Variants in CELF5 observed in about 807,000 individuals in gnomAD.
CELF5 encodes CUGBP Elav-like family member 5.
In CELF5, 6 loss-of-function variants were observed where a neutral mutation model predicts 54.9. The ratio of observed to expected loss-of-function variants is 0.11; its 90% CI spans 0.06 to 0.22. CELF5 has a LOEUF of 0.22. CELF5 is among the 10% of genes least tolerant of loss of function. CELF5 has a pLI of 1.00. For synonymous variants in CELF5, 271 were observed against 290.9 expected, an observed-to-expected ratio of 0.93 and a Z score of 0.70; for missense variants, 401 against 678.6, an observed-to-expected ratio of 0.59 and a Z score of 4.54.
chr19:3,237,084 G>A (rs1447258983), intron 1 of CELF5, among the ~76,000 whole-genome samples: 1 of 151,128 alleles, frequency 6.6e-6, no homozygotes, highest in South Asian at 2.1e-4. Context: ...AGGCCGAGAC[G>A]GGTGGATCAC....
intron 1 of CELF5, among the ~76,000 whole-genome samples, chr19:3,226,231 C>T (rs922582374): frequency 6.6e-6 from 1 of 151,346 alleles, no homozygotes; most frequent in Non-Finnish European, 1.5e-5. Flanking sequence ...GCTGCGTGCC[C>T]GGTAAGCATG....
In CELF5 at chr19:3,282,134, A is replaced by G; in HGVS notation, c.759A>G (p.Gln253=). Residue 253 remains glutamine, a synonymous_variant, in exon 7 of 13, where the codon CAA becomes CAG. Coordinates refer to ENST00000292672, the MANE Select transcript of CELF5 (RefSeq NM_021938.4). The surrounding 1 kb of genome is among the most constrained non-coding windows in gnomAD (Gnocchi z 5.2). Reference sequence around the variant, plus strand: ...CATGTCTTCACCCCCAGCTCATGCAACAGCAGACAACAGTCCTGTCCACCT... The same window carrying G: ...CATGTCTTCACCCCCAGCTCATGCAGCAGCAGACAACAGTCCTGTCCACCT... The part of the protein sequence containing the change: ...PYSAYAQALM[Q]QQTTVLSTSG... The G allele has an allele frequency of 6.2e-7, 1 of 1,614,190 alleles. No homozygotes were observed. The highest frequency in any genetic ancestry group is 8.5e-7 in the Non-Finnish European group (1 of 1,180,030).
intron 1 of CELF5, among the ~76,000 whole-genome samples, chr19:3,247,102 C>T (rs2079577661): frequency 6.6e-6 from 1 of 152,116 alleles, no homozygotes; most frequent in Admixed American, 6.6e-5. Flanking sequence ...GACACTAGGA[C>T]TTCTGGTGGC....
intron 11 of CELF5, among the ~76,000 whole-genome samples, chr19:3,291,073 C>A (rs2080339092): frequency 6.6e-6 from 1 of 151,248 alleles, no homozygotes; most frequent in Non-Finnish European, 1.5e-5. Context: ...CCAGCCTGGG[C>A]AACATAGCAA....
chr19:3,260,515 C>G (rs914106904), intron 2 of CELF5, among the ~76,000 whole-genome samples: 2 of 151,798 alleles, frequency 1.3e-5, no homozygotes, highest in African/African-American at 4.8e-5. Context: ...AGTGCAGTGG[C>G]AAGATCATGG....
intron 12 of CELF5, chr19:3,295,576 C>G (rs983633948): frequency 6.7e-6 from 1 of 149,810 alleles, no homozygotes; most frequent in Admixed American, 6.7e-5. Flanking sequence ...GCACATCCCA[C>G]CAGGAACCCG....
At chr19:3,290,617 G>C (rs1161986115) in intron 11 of CELF5, among the ~76,000 whole-genome samples, 1 of 149,056 alleles carries the variant, frequency 6.7e-6, no homozygotes, top group Non-Finnish European at 1.5e-5. Flanking sequence ...AGGCTGGAGT[G>C]CAGTGGTGCA....
chr19:3,295,249 C>G (rs899442013), intron 12 of CELF5: 3 of 144,652 alleles, frequency 2.1e-5, no homozygotes, highest in African/African-American at 7.6e-5. Context: ...GCTCCTGAAT[C>G]GTGGGCAGAA....
chr19:3,248,353 T>C (rs1259419273), intron 1 of CELF5, among the ~76,000 whole-genome samples: 3 of 152,042 alleles, frequency 2.0e-5, no homozygotes, highest in African/African-American at 7.2e-5. Flanking sequence ...AAACTGAAAC[T>C]GTATCCCTGT....
Position 3,228,375 on chromosome 19 carries a change from G to A in CELF5, c.259+3377G>A, listed in dbSNP as rs1231889312. ...GAGGCTGGGATTGGGGCTCCCGCTG[G>A]CCCCCCTGCAGTTCCTGCCCCGGGG... On this transcript the variant is annotated intron_variant, in intron 1 of 12. Coordinates refer to ENST00000292672, the MANE Select transcript of CELF5 (RefSeq NM_021938.4). This position sits in a 1 kb window ranked among gnomAD's most constrained non-coding sequence, Gnocchi z 6.0. Among the ~76,000 whole-genome samples the A allele has an allele frequency of 1.3e-5, 2 of 152,138 alleles. No individual in the cohort carries two copies. Among genetic ancestry groups the A allele is most frequent in the Non-Finnish European group, 2.9e-5 (2 of 68,006 alleles).
chr19:3,284,386 C>T (rs1013913769), intron 8 of CELF5, among the ~76,000 whole-genome samples: 1 of 152,190 alleles, frequency 6.6e-6, no homozygotes, highest in African/African-American at 2.4e-5. Context: ...CTGAATTTTT[C>T]CCCAGAATCA....
chr19:3,251,523 T>G (rs1451229135), intron 2 of CELF5, among the ~76,000 whole-genome samples: 2 of 152,112 alleles, frequency 1.3e-5, no homozygotes, highest in Non-Finnish European at 2.9e-5. Flanking sequence ...CAGGGCTGGT[T>G]GCTGAAGGCT....
At chr19:3,225,463 C>CGGG in intron 1 of CELF5, 3 of 122,712 alleles carry the variant, frequency 2.4e-5, no homozygotes, top group Non-Finnish European at 5.1e-5. Flanking sequence ...CGGCACCCCT[C>CGGG]CCTGCCCCCC....
At chr19:3,280,292 C>A (rs1049612425) in intron 5 of CELF5, among the ~76,000 whole-genome samples, 1 of 151,894 alleles carries the variant, frequency 6.6e-6, no homozygotes, top group Non-Finnish European at 1.5e-5. Flanking sequence ...AAATCTGGGG[C>A]TGGGGCTGGG....
chr19:3,266,151 A>C (rs575071300), intron 2 of CELF5, among the ~76,000 whole-genome samples: 1 of 152,322 alleles, frequency 6.6e-6, no homozygotes, highest in East Asian at 1.9e-4. Context: ...ATTATGCAGA[A>C]ATTTCTAAGA....
intron 10 of CELF5, 41 bp downstream of exon 10, chr19:3,286,066 T>A: frequency 6.7e-7 from 1 of 1,484,188 alleles, no homozygotes; most frequent in Non-Finnish European, 9.0e-7. Context: ...AGCCCCGCCC[T>A]CTGCCCGCCC....
Position 3,278,241 on chromosome 19 carries a change from G to A in CELF5, c.603+131G>A, listed in dbSNP as rs2080089031. 2 of 684,730 alleles carry A rather than the reference G, an allele frequency of 2.9e-6. No homozygotes were observed. Among genetic ancestry groups the A allele is most frequent in the Non-Finnish European group, 5.0e-6 (2 of 398,574 alleles). The allele number at this position is 684,730 out of a possible 1,614,324, so 42.4% of individuals were successfully genotyped here. On this transcript the variant is annotated intron_variant, in intron 5 of 12. Transcript: ENST00000292672. This position sits in a 1 kb window ranked among gnomAD's most constrained non-coding sequence, Gnocchi z 4.5. Reference sequence around the variant, plus strand: ...CTGGCTGTCCTTCAGAGGGGGCACAGGTGGAGAAAGAGGCGCAGTCCCTGG... The same window carrying A: ...CTGGCTGTCCTTCAGAGGGGGCACAAGTGGAGAAAGAGGCGCAGTCCCTGG...
Position 3,272,151 on chromosome 19 carries a change from A to C in CELF5, c.343-1721A>C, listed in dbSNP as rs2079975986. Among the ~76,000 whole-genome samples, 3 of 152,076 alleles carry C rather than the reference A, an allele frequency of 2.0e-5. No individual in the cohort carries two copies. In the South Asian group the frequency reaches 6.2e-4, roughly 31 times the overall value. ...GGGAGGCTGAGGTGGGCGGATCACG[A>C]ACTCAGCAGATCGAGACCATCCTGG... On this transcript the variant is annotated intron_variant, in intron 2 of 12. Transcript: ENST00000292672.
chr19:3,251,802 G>A (rs2079654566), intron 2 of CELF5, among the ~76,000 whole-genome samples: 1 of 151,828 alleles, frequency 6.6e-6, no homozygotes, highest in Non-Finnish European at 1.5e-5. Context: ...AGCCTCCCAA[G>A]TAGCTGGGAT....
Sources: allele counts gnomAD v4.1 joint callset (sites outside exome capture counted in the v4.1 genomes callset), GRCh38; gene constraint gnomAD v4.1.1; non-coding constraint Gnocchi (gnomAD v3.1); transcripts MANE v1.5; gene names NCBI Gene and HGNC (gene_info 2026-07-23, HGNC 2026-07-21).